Variants in GTF2F2 observed in about 807,000 individuals in gnomAD.
The protein encoded by GTF2F2 is general transcription factor IIF subunit 2, also known as ATP-dependent helicase GTF2F2.
In GTF2F2, 23 loss-of-function variants were observed where a neutral mutation model predicts 42.2. That is an observed-to-expected ratio of 0.55 (90% CI 0.39 to 0.77). The LOEUF (loss-of-function observed/expected upper bound fraction) is 0.77, where lower values mean the gene tolerates loss of function less well. Among genes scored for constraint, GTF2F2 ranks in the 30% least tolerant of loss-of-function variants. The probability of loss-of-function intolerance (pLI) is 0.00; values close to 1 mark genes in which losing one functional copy is unlikely to be tolerated. For missense variants in GTF2F2, 261 were observed against 287.2 expected (o/e 0.91, Z 0.66); for synonymous variants, 105 against 100.8 (o/e 1.04, Z -0.25).
intron 2 of GTF2F2, among the ~76,000 whole-genome samples, chr13:45,142,597 G>A (rs1030017855): frequency 2.0e-5 from 3 of 152,282 alleles, no homozygotes; most frequent in East Asian, 1.9e-4. Context: ...TCTACCTAAC[G>A]TAACACATAA....
chr13:45,206,409 C>T (rs183971555), intron 4 of GTF2F2: 12 of 152,270 alleles, frequency 7.9e-5, no homozygotes, highest in Non-Finnish European at 2.9e-5. Context: ...ATCTTGATTC[C>T]ACAATGCCTA....
intron 1 of GTF2F2, among the ~76,000 whole-genome samples, chr13:45,130,368 T>G (rs1869279203): frequency 6.6e-6 from 1 of 152,212 alleles, no homozygotes; most frequent in Non-Finnish European, 1.5e-5. Flanking sequence ...AAGTGTCTGG[T>G]AAACATAGTA....
At chr13:45,238,536 C>G (rs1023304275) in intron 5 of GTF2F2, among the ~76,000 whole-genome samples, 1 of 152,296 alleles carries the variant, frequency 6.6e-6, no homozygotes, top group East Asian at 1.9e-4. Flanking sequence ...TTCCCACTCC[C>G]TTGTTCCTCT....
intron 7 of GTF2F2, among the ~76,000 whole-genome samples, chr13:45,274,493 A>T (rs1483076697): frequency 6.6e-6 from 1 of 151,690 alleles, no homozygotes; most frequent in Non-Finnish European, 1.5e-5. Context: ...CACCTAGCTA[A>T]TTTTTTTGTA....
At chr13:45,150,705 G>A (rs1473687025) in intron 3 of GTF2F2, among the ~76,000 whole-genome samples, 1 of 125,732 alleles carries the variant, frequency 8.0e-6, no homozygotes. Context: ...TGTCATGCCC[G>A]GCTAATTTTT....
At chr13:45,154,438 C>T (rs1870654088) in intron 4 of GTF2F2, among the ~76,000 whole-genome samples, 1 of 152,128 alleles carries the variant, frequency 6.6e-6, no homozygotes, top group Non-Finnish European at 1.5e-5. Flanking sequence ...TAAGGATTAT[C>T]TTGGCAGGGA....
At chr13:45,130,090 G>A (rs565005836) in intron 1 of GTF2F2, among the ~76,000 whole-genome samples, 4 of 152,340 alleles carry the variant, frequency 2.6e-5, no homozygotes, top group Non-Finnish European at 5.9e-5. Flanking sequence ...GATCATCCAG[G>A]GAACTGGGTC....
chr13:45,160,453 A>G (rs1870980312), intron 4 of GTF2F2, among the ~76,000 whole-genome samples: 2 of 152,180 alleles, frequency 1.3e-5, no homozygotes, highest in Admixed American at 1.3e-4. Flanking sequence ...AACCTTTTCT[A>G]CTCTCTTACA....
intron 6 of GTF2F2, among the ~76,000 whole-genome samples, chr13:45,253,891 C>CA (rs1464353977): frequency 6.6e-6 from 1 of 152,064 alleles, no homozygotes; most frequent in African/African-American, 2.4e-5. Flanking sequence ...CTGGCTAACA[C>CA]AGTGAACCCC....
chr13:45,141,825 G>T (rs1016757078), intron 2 of GTF2F2, among the ~76,000 whole-genome samples: 6 of 151,920 alleles, frequency 3.9e-5, no homozygotes, highest in Non-Finnish European at 7.4e-5. Context: ...AATCATTTTG[G>T]GTGTTTAATA....
At chr13:45,151,992 T>C (rs9526039) in intron 4 of GTF2F2, among the ~76,000 whole-genome samples, 161 bp downstream of exon 4, 53,092 of 146,140 alleles carry the variant, frequency 0.36, 13,096 homozygotes, top group African/African-American at 0.7. Flanking sequence ...CTTGGCTCAC[T>C]GCAACCTCCA....
intron 5 of GTF2F2, among the ~76,000 whole-genome samples, chr13:45,220,307 A>G (rs1380123168): frequency 6.6e-6 from 1 of 152,176 alleles, no homozygotes; most frequent in Non-Finnish European, 1.5e-5. Context: ...TGTTTAACAG[A>G]TGTTTACTGA....
chr13:45,228,288 T>C (rs1423553478), intron 5 of GTF2F2, among the ~76,000 whole-genome samples: 2 of 143,244 alleles, frequency 1.4e-5, no homozygotes, highest in Non-Finnish European at 3.0e-5. Flanking sequence ...TTAATCTTTT[T>C]TTTTTTTTTT....
chr13:45,189,001 C>G (rs1872529597), intron 4 of GTF2F2, among the ~76,000 whole-genome samples: 1 of 151,848 alleles, frequency 6.6e-6, no homozygotes, highest in South Asian at 2.1e-4. Context: ...TTTGCTACAC[C>G]CATCAACTTG....
chr13:45,263,895 G>A, intron 6 of GTF2F2: 1 of 195,386 alleles, frequency 5.1e-6, no homozygotes, highest in Non-Finnish European at 1.1e-5. Context: ...GAGGAAGGCT[G>A]GTATCTTTCA....
At chr13:45,253,008 C>A in intron 6 of GTF2F2, 38 bp downstream of exon 6, 1 of 851,678 alleles carries the variant, frequency 1.2e-6, no homozygotes, top group Non-Finnish European at 1.8e-6. Context: ...TCTTTTATAT[C>A]TTCATTCTTT....
intron 4 of GTF2F2, among the ~76,000 whole-genome samples, chr13:45,156,553 G>C (rs997267460): frequency 1.1e-4 from 17 of 152,264 alleles, no homozygotes; most frequent in African/African-American, 4.1e-4. Context: ...TGGTGCAATG[G>C]GAGTGGAAAA....
intron 5 of GTF2F2, among the ~76,000 whole-genome samples, chr13:45,213,370 G>A (rs1475723478): frequency 6.6e-6 from 1 of 152,038 alleles, no homozygotes; most frequent in African/African-American, 2.4e-5. Context: ...TGAGCCACGA[G>A]GCCCCAGCTT....
rs867727309 is a variant in GTF2F2 at position 45,136,425 on chromosome 13, C to A, written c.67-308C>A. ...GTGAGTGCTGTTCTCTTCTGAGAAG[C>A]CTTTTCTGATAGCCTTTCTCTTCTG... On this transcript the variant is annotated intron_variant, in intron 1 of 7. Coordinates refer to ENST00000340473, the MANE Select transcript of GTF2F2 (RefSeq NM_004128.3). Among the ~76,000 whole-genome samples the A allele has an allele frequency of 6.6e-5, 10 of 152,314 alleles. No homozygotes were observed. The South Asian group carries it at 1.2e-3, about 19-fold the overall frequency.
Sources: gnomAD v4.1 joint callset for allele counts (sites outside exome capture counted in the v4.1 genomes callset) on GRCh38, gnomAD v4.1.1 for gene constraint, MANE v1.5 for transcripts, NCBI Gene and HGNC (gene_info 2026-07-23, HGNC 2026-07-21) for gene names.